Variants in N4BP2 observed in about 807,000 individuals in gnomAD.
N4BP2 encodes the protein NEDD4 binding protein 2, also known as NEDD4-binding protein 2.
Under a neutral mutation model 152.8 loss-of-function variants are expected in N4BP2, and 91 were observed. The observed-to-expected ratio is 0.60, with a 90% CI of 0.50 to 0.71. The LOEUF (loss-of-function observed/expected upper bound fraction) is 0.71, where lower values mean the gene tolerates loss of function less well. Among genes scored for constraint, N4BP2 ranks in the 30% least tolerant of loss-of-function variants. The pLI is 0.00. For synonymous variants in N4BP2, 646 were observed against 705.3 expected (o/e 0.92, Z 1.33); for missense variants, 1,923 against 2,059.1 (o/e 0.93, Z 1.28).
intron 11 of N4BP2, 151 bp downstream of exon 11, chr4:40,124,356 T>A (rs944183751): frequency 5.9e-5 from 24 of 406,220 alleles, no homozygotes; most frequent in Admixed American, 1.2e-4. Context: ...TTATTTATTT[T>A]TTTATTTAGA....
intron 1 of N4BP2, 189 bp downstream of exon 1, chr4:40,057,219 C>T (rs1467437471): frequency 1.3e-5 from 2 of 152,256 alleles, no homozygotes; most frequent in African/African-American, 4.8e-5. Context: ...GCCCGGCTGC[C>T]CGGACGGAAG....
intron 2 of N4BP2, among the ~76,000 whole-genome samples, chr4:40,093,463 G>A (rs1180044229): frequency 6.6e-6 from 1 of 151,366 alleles, no homozygotes; most frequent in African/African-American, 2.4e-5. Flanking sequence ...CTGGAGTGCA[G>A]TGGCTCGATC....
In N4BP2 at chr4:40,102,058, T is replaced by C. The variant is rs1389986520; in HGVS notation, c.230-17T>C. 4 of 1,466,206 alleles carry C rather than the reference T, an allele frequency of 2.7e-6. No homozygotes were observed. Among genetic ancestry groups the C allele is most frequent in the Non-Finnish European group, 3.7e-6 (4 of 1,087,566 alleles). 90.8% of individuals were successfully genotyped at this position (1,466,206 alleles called of 1,614,324 possible). On this transcript the variant is annotated splice_polypyrimidine_tract_variant and intron_variant, in intron 3 of 17. Coordinates refer to ENST00000261435, the MANE Select transcript of N4BP2 (RefSeq NM_018177.6). ...GTCTATATTTTTGTTGTTGTTATTATTCTTGTTGTTGTACAGTTGAAAATG... is the reference window on the plus strand; with the variant it reads ...GTCTATATTTTTGTTGTTGTTATTACTCTTGTTGTTGTACAGTTGAAAATG...
At chr4:40,138,593 T>C (rs896710978) in intron 14 of N4BP2, among the ~76,000 whole-genome samples, 1 of 152,268 alleles carries the variant, frequency 6.6e-6, no homozygotes, top group Non-Finnish European at 1.5e-5. Flanking sequence ...TGTAGTGAGA[T>C]AGAAGTTCAA....
At chr4:40,140,446 T>A (rs943556387) in intron 14 of N4BP2, among the ~76,000 whole-genome samples, 1 of 151,970 alleles carries the variant, frequency 6.6e-6, no homozygotes, top group Non-Finnish European at 1.5e-5. Context: ...TAATAGGGGG[T>A]GATAAGAAGA....
At chr4:40,182,282 G>C in the N4BP2 span, among the ~76,000 whole-genome samples, 11 of 152,178 alleles carry the variant, frequency 7.2e-5, no homozygotes, top group African/African-American at 1.2e-4. Context: ...ACAGGACATG[G>C]GTGAAAGATC....
chr4:40,154,071 G>A, intron 17 of N4BP2, 121 bp from the exon 18 acceptor site: 1 of 687,446 alleles, frequency 1.5e-6, no homozygotes, highest in Non-Finnish European at 2.5e-6. Flanking sequence ...ACTTAATAAG[G>A]GTCAATACTT....
At chr4:40,145,812 G>A (rs963915222) in intron 16 of N4BP2, among the ~76,000 whole-genome samples, 1 of 152,156 alleles carries the variant, frequency 6.6e-6, no homozygotes, top group African/African-American at 2.4e-5. Context: ...ATACCATCTA[G>A]TAGGATAGAT....
At chr4:40,085,187 A>C (rs1218580202) in intron 2 of N4BP2, among the ~76,000 whole-genome samples, 2 of 152,204 alleles carry the variant, frequency 1.3e-5, no homozygotes, top group East Asian at 3.9e-4. Flanking sequence ...CTGGGATTAC[A>C]AGCGTGAGCT....
intron 1 of N4BP2, among the ~76,000 whole-genome samples, chr4:40,066,194 G>T (rs926095616): frequency 6.6e-6 from 1 of 152,064 alleles, no homozygotes; most frequent in African/African-American, 2.4e-5. Flanking sequence ...CTCCCAGTGT[G>T]TTGGGATTAC....
chr4:40,130,853 CAA>C (rs1231831259), intron 12 of N4BP2, among the ~76,000 whole-genome samples: 2 of 152,052 alleles, frequency 1.3e-5, no homozygotes, highest in Non-Finnish European at 1.5e-5. Flanking sequence ...TTGTAGCAAA[CAA>C]AATTATTTTG....
chr4:40,061,817 A>T (rs2109883432), intron 1 of N4BP2, among the ~76,000 whole-genome samples: 1 of 151,588 alleles, frequency 6.6e-6, no homozygotes, highest in South Asian at 2.1e-4. Flanking sequence ...GGCACCTGCC[A>T]CCACGCTTGG....
chr4:40,120,646 T>C lies in N4BP2; in HGVS notation c.2535T>C (p.His845=). The C allele has an allele frequency of 6.2e-7, 1 of 1,614,090 alleles. No homozygotes were observed. The highest frequency in any genetic ancestry group is 8.5e-7 in the Non-Finnish European group (1 of 1,179,980). The change falls in exon 9 of 18, where the codon CAT becomes CAC. Residue 845 remains histidine, a synonymous_variant. Coordinates refer to ENST00000261435, the MANE Select transcript of N4BP2 (RefSeq NM_018177.6). ...GTGTCCAGCAACGAGGATCTCCACATGAAAGTGTAGAGGATGGCAGAAAGT... is the reference window on the plus strand; with the variant it reads ...GTGTCCAGCAACGAGGATCTCCACACGAAAGTGTAGAGGATGGCAGAAAGT... ...TDCVQQRGSP[H]ESVEDGRKSQ... is the part of the protein sequence containing the mutation.
chr4:40,150,458 G>C (rs566186103), intron 16 of N4BP2, among the ~76,000 whole-genome samples: 1 of 152,274 alleles, frequency 6.6e-6, no homozygotes, highest in African/African-American at 2.4e-5. Context: ...CTTGAGGTCA[G>C]GAGTTTGAGA....
chr4:40,072,772 C>G (rs1384098859), intron 1 of N4BP2, among the ~76,000 whole-genome samples: 1 of 151,380 alleles, frequency 6.6e-6, no homozygotes, highest in Admixed American at 6.6e-5. Flanking sequence ...GTTGCCCACG[C>G]TGGACTGCAA....
chr4:40,063,713 G>A (rs1034490488), intron 1 of N4BP2, among the ~76,000 whole-genome samples: 9 of 151,432 alleles, frequency 5.9e-5, no homozygotes, highest in African/African-American at 9.7e-5. Context: ...GTGTGATCTC[G>A]GCTTACTACA....
intron 1 of N4BP2, among the ~76,000 whole-genome samples, chr4:40,064,207 A>T (rs1355966871): frequency 1.3e-5 from 2 of 152,206 alleles, no homozygotes; most frequent in Non-Finnish European, 2.9e-5. Context: ...CCAGGTACGA[A>T]AATGGTAAGT....
chr4:40,143,044 T>C (rs1244924217), intron 15 of N4BP2, among the ~76,000 whole-genome samples, 183 bp downstream of exon 15: 5 of 152,194 alleles, frequency 3.3e-5, no homozygotes, highest in African/African-American at 9.7e-5. Flanking sequence ...TCCTGCTGTT[T>C]TGAGCATTTG....
At chr4:40,094,649 G>C (rs1714937080) in intron 2 of N4BP2, among the ~76,000 whole-genome samples, 2 of 151,818 alleles carry the variant, frequency 1.3e-5, no homozygotes, top group Admixed American at 6.6e-5. Context: ...TCTGCCTCAT[G>C]GGTTCAAGCA....
Sources: allele counts gnomAD v4.1 joint callset (sites outside exome capture counted in the v4.1 genomes callset), GRCh38; gene constraint gnomAD v4.1.1; transcripts MANE v1.5; gene names NCBI Gene and HGNC (gene_info 2026-07-23, HGNC 2026-07-21).